SBF2: variants seen among roughly 807,000 people sequenced by gnomAD.
The protein encoded by SBF2 is myotubularin-related protein 13.
Under a neutral mutation model 225.2 loss-of-function variants are expected in SBF2, and 112 were observed. That is an observed-to-expected ratio of 0.50 (90% CI 0.43 to 0.58). SBF2 has a LOEUF of 0.58. Ranked by LOEUF, SBF2 falls within the 20% of genes least tolerant of loss-of-function variation. The pLI is 0.00. For missense variants in SBF2, 1,996 were observed against 2,206.2 expected (o/e 0.90, Z 1.91); for synonymous variants, 763 against 773.3 (o/e 0.99, Z 0.22).
chr11:10,197,234 T>C (rs75109985), intron 1 of SBF2, among the ~76,000 whole-genome samples: 8,360 of 152,192 alleles, frequency 0.055, 317 homozygotes, highest in Middle Eastern at 0.14. Flanking sequence ...CTTTGATAGA[T>C]AGATTGAGTT....
At chr11:9,917,813 C>G (rs191272898) in intron 16 of SBF2, among the ~76,000 whole-genome samples, 2 of 151,384 alleles carry the variant, frequency 1.3e-5, no homozygotes, top group African/African-American at 4.9e-5. Flanking sequence ...TCCATCTGAC[C>G]GGACACCTCC....
intron 2 of SBF2, among the ~76,000 whole-genome samples, chr11:10,101,623 CAGTCA>C (rs1952304333): frequency 6.6e-6 from 1 of 150,906 alleles, no homozygotes; most frequent in African/African-American, 2.4e-5. Flanking sequence ...AAATTCTTAC[CAGTCA>C]AAAGTTTCTG....
At chr11:9,891,383 G>A (rs1860802493) in intron 17 of SBF2, among the ~76,000 whole-genome samples, 2 of 152,114 alleles carry the variant, frequency 1.3e-5, no homozygotes, top group Non-Finnish European at 1.5e-5. Context: ...AATGCAAAGG[G>A]CATAAGTAAA....
intron 17 of SBF2, among the ~76,000 whole-genome samples, chr11:9,876,519 G>C (rs891548269): frequency 6.6e-6 from 1 of 151,996 alleles, no homozygotes; most frequent in East Asian, 1.9e-4. Flanking sequence ...TCTTGCTCTT[G>C]CTCTCTCTCT....
intron 2 of SBF2, among the ~76,000 whole-genome samples, chr11:10,058,598 G>A (rs1475263150): frequency 6.6e-6 from 1 of 152,164 alleles, no homozygotes; most frequent in Non-Finnish European, 1.5e-5. Flanking sequence ...ATTTCAGGAT[G>A]TTGTCCATGA....
chr11:9,908,385 G>T (rs1022831977), intron 16 of SBF2, among the ~76,000 whole-genome samples: 8 of 152,172 alleles, frequency 5.3e-5, no homozygotes, highest in Admixed American at 5.2e-4. Context: ...CAGCACTTTG[G>T]GAGGCCGAGG....
At chr11:10,012,429 A>G (rs531035534) in intron 6 of SBF2, among the ~76,000 whole-genome samples, 180 of 152,358 alleles carry the variant, frequency 1.2e-3, no homozygotes, top group African/African-American at 4.1e-3. Flanking sequence ...GGTATGAGCC[A>G]CGATGCCTGG....
At chr11:9,967,947 G>GTCTGTCTGTCTCTC (rs57976016) in intron 14 of SBF2, among the ~76,000 whole-genome samples, 1,284 of 100,116 alleles carry the variant, frequency 0.013, 17 homozygotes, top group African/African-American at 0.046. Flanking sequence ...CTGTCTGTCT[G>GTCTGTCTGTCTCTC]TCTCTCTCTC....
intron 17 of SBF2, among the ~76,000 whole-genome samples, chr11:9,866,325 A>G (rs1173148340): frequency 6.6e-6 from 1 of 152,168 alleles, no homozygotes; most frequent in Non-Finnish European, 1.5e-5. Flanking sequence ...TGACTTCAAA[A>G]TATACTATAA....
At chr11:9,996,679 G>A (rs534230971) in intron 9 of SBF2, among the ~76,000 whole-genome samples, 96 of 152,280 alleles carry the variant, frequency 6.3e-4, no homozygotes, top group African/African-American at 1.8e-3. Context: ...GTGAGCCACC[G>A]CACCCTGCCA....
At chr11:10,199,210 G>T (rs1354299325) in intron 1 of SBF2, among the ~76,000 whole-genome samples, 1 of 152,110 alleles carries the variant, frequency 6.6e-6, no homozygotes, top group East Asian at 1.9e-4. Context: ...GGAATAGAGA[G>T]GCCTGAGGAG....
At chr11:9,840,856 C>T (rs887304053) in intron 25 of SBF2, among the ~76,000 whole-genome samples, 1 of 151,318 alleles carries the variant, frequency 6.6e-6, no homozygotes, top group Non-Finnish European at 1.5e-5. Flanking sequence ...GTTACAGAAT[C>T]CTTTACAATT....
chr11:10,259,741 CAT>C (rs1961245262), intron 1 of SBF2, among the ~76,000 whole-genome samples: 1 of 151,908 alleles, frequency 6.6e-6, no homozygotes, highest in Admixed American at 6.6e-5. Flanking sequence ...GATTCCGAAA[CAT>C]AACATATTTT....
chr11:10,297,903 G>A (rs1964562763), upstream of SBF2, among the ~76,000 whole-genome samples: 1 of 152,244 alleles, frequency 6.6e-6, no homozygotes, highest in African/African-American at 2.4e-5. Context: ...GCCCTGACAA[G>A]GCAGCCTGAT....
chr11:9,974,124 C>G (rs532370909), intron 13 of SBF2, among the ~76,000 whole-genome samples: 1 of 152,172 alleles, frequency 6.6e-6, no homozygotes, highest in Admixed American at 6.5e-5. Flanking sequence ...CCTCAATTTT[C>G]CAACTTCATA....
At chr11:10,052,887 T>A (rs1290978873) in intron 2 of SBF2, among the ~76,000 whole-genome samples, 1 of 152,182 alleles carries the variant, frequency 6.6e-6, no homozygotes, top group Admixed American at 6.5e-5. Context: ...AATCACCTTA[T>A]GCATATTGTT....
chr11:10,239,599 C>T (rs1191119463), intron 1 of SBF2, among the ~76,000 whole-genome samples: 1 of 150,000 alleles, frequency 6.7e-6, no homozygotes, highest in Non-Finnish European at 1.5e-5. Flanking sequence ...TCATAGACAT[C>T]ACTAAAAAAG....
intron 26 of SBF2, among the ~76,000 whole-genome samples, chr11:9,835,073 G>GATATCAATTTCCCTGCC (rs1319282514): frequency 6.6e-6 from 1 of 152,164 alleles, no homozygotes; most frequent in Non-Finnish European, 1.5e-5. Context: ...CGTAATGAAA[G>GATATCAATTTCCCTGCC]ATATCAATTT....
At chr11:9,899,808 A>C (rs1449529134) in intron 16 of SBF2, among the ~76,000 whole-genome samples, 1 of 152,138 alleles carries the variant, frequency 6.6e-6, no homozygotes, top group African/African-American at 2.4e-5. Flanking sequence ...AAACAGCAAG[A>C]TCCCTGATGA....
Sources: gnomAD v4.1 joint callset for allele counts (sites outside exome capture counted in the v4.1 genomes callset) on GRCh38, gnomAD v4.1.1 for gene constraint, MANE v1.5 for transcripts, NCBI Gene and HGNC (gene_info 2026-07-23, HGNC 2026-07-21) for gene names.